WDR49: variants seen among roughly 807,000 people sequenced by gnomAD.
The protein encoded by WDR49 is WD repeat domain 49, also known as cilia- and flagella-associated protein 337.
In WDR49, 107 loss-of-function variants were observed where a neutral mutation model predicts 119.5. The ratio of observed to expected loss-of-function variants is 0.90; its 90% CI spans 0.77 to 1.05. The LOEUF is 1.05. Among genes scored for constraint, WDR49 ranks in the 50% least tolerant of loss-of-function variants. WDR49 has a pLI of 0.00. For synonymous variants in WDR49, 425 were observed against 418.8 expected (o/e 1.01, Z -0.18); for missense variants, 1,240 against 1,220.5 (o/e 1.02, Z -0.24).
At chr3:167,639,114 G>A (rs1233839274) in intron 2 of WDR49, among the ~76,000 whole-genome samples, 1 of 151,638 alleles carries the variant, frequency 6.6e-6, no homozygotes. Context: ...GAAACTTGGG[G>A]GAATAAGCCT....
intron 10 of WDR49, among the ~76,000 whole-genome samples, chr3:167,548,550 T>C (rs1712348388): frequency 6.6e-6 from 1 of 152,046 alleles, no homozygotes; most frequent in Non-Finnish European, 1.5e-5. Context: ...TTAAGTAGTC[T>C]ATTTTATTAT....
At chr3:167,539,896 C>T (rs1204750876) in intron 10 of WDR49, among the ~76,000 whole-genome samples, 1 of 152,136 alleles carries the variant, frequency 6.6e-6, no homozygotes, top group Non-Finnish European at 1.5e-5. Flanking sequence ...CCTTCTACAA[C>T]AGCAGTGTCT....
intron 2 of WDR49, among the ~76,000 whole-genome samples, chr3:167,642,715 G>A (rs1040659094): frequency 6.6e-6 from 1 of 152,030 alleles, no homozygotes; most frequent in East Asian, 1.9e-4. Flanking sequence ...TGGAACTGGG[G>A]ATCCCTGGAG....
chr3:167,641,050 G>A (rs960621116), intron 2 of WDR49, among the ~76,000 whole-genome samples: 5 of 151,910 alleles, frequency 3.3e-5, no homozygotes, highest in African/African-American at 1.2e-4. Flanking sequence ...TGAGTCTCAG[G>A]CATGTGTTAA....
At chr3:167,560,010 C>T in intron 9 of WDR49, 54 bp downstream of exon 9, 3 of 1,577,726 alleles carry the variant, frequency 1.9e-6, no homozygotes, top group Non-Finnish European at 2.6e-6. Flanking sequence ...TGTCTTCTGG[C>T]ATAGTATTTT....
At chr3:167,592,783 T>C (rs1715208882) in intron 7 of WDR49, among the ~76,000 whole-genome samples, 1 of 152,146 alleles carries the variant, frequency 6.6e-6, no homozygotes, top group African/African-American at 2.4e-5. Context: ...ATTGAAGAAC[T>C]CCCTCTAGCA....
In WDR49 at chr3:167,621,673, T is replaced by A. The variant is rs1269208811; in HGVS notation, c.607-30A>T. ...AGTAGCAGAGTAGAAAATCAGAAAGTAATTCTGATGGATTTAGCAAAATTA... is the reference window on the plus strand; with the variant it reads ...AGTAGCAGAGTAGAAAATCAGAAAGAAATTCTGATGGATTTAGCAAAATTA... On this transcript the variant is annotated intron_variant, in intron 3 of 18. Transcript: ENST00000682715. 12 of 1,501,738 alleles carry A rather than the reference T, an allele frequency of 8.0e-6. No homozygotes were observed. In the Admixed American group the frequency reaches 2.2e-4, roughly 27 times the overall value. The allele number at this position is 1,501,738 out of a possible 1,614,324, so 93.0% of individuals were successfully genotyped here.
chr3:167,528,076 C>T, intron 14 of WDR49, 59 bp from the exon 15 acceptor site: 2 of 1,435,268 alleles, frequency 1.4e-6, no homozygotes, highest in African/African-American at 1.4e-5. Context: ...ATTACAATGA[C>T]ATAACACTTT....
intron 3 of WDR49, among the ~76,000 whole-genome samples, chr3:167,625,037 C>T (rs1717067014): frequency 1.3e-5 from 2 of 152,014 alleles, no homozygotes; most frequent in Non-Finnish European, 2.9e-5. Context: ...GGAATAATAT[C>T]TACTCCATGG....
intron 8 of WDR49, among the ~76,000 whole-genome samples, chr3:167,567,968 G>T (rs1031143086): frequency 6.6e-6 from 1 of 152,214 alleles, no homozygotes; most frequent in Admixed American, 6.5e-5. Context: ...AGGCTCAGAG[G>T]TTAGCAGCTT....
chr3:167,511,757 C>T (rs1751984162), intron 16 of WDR49, among the ~76,000 whole-genome samples: 1 of 152,082 alleles, frequency 6.6e-6, no homozygotes, highest in African/African-American at 2.4e-5. Context: ...CTCCAATCAG[C>T]CGTTTTCCCC....
chr3:167,631,654 G>T (rs879614370), intron 2 of WDR49, among the ~76,000 whole-genome samples: 2 of 152,108 alleles, frequency 1.3e-5, no homozygotes, highest in East Asian at 1.9e-4. Flanking sequence ...ACATCGAAGC[G>T]AGAGTCAGGC....
intron 8 of WDR49, among the ~76,000 whole-genome samples, chr3:167,569,929 C>T (rs1001335607): frequency 5.3e-5 from 8 of 152,080 alleles, no homozygotes; most frequent in Non-Finnish European, 4.4e-5. Flanking sequence ...CATGTAAACA[C>T]GTTATTTCTT....
At position 167,502,800 on chromosome 3, in the gene WDR49, T is replaced by TA. The variant is rs558170331; in HGVS notation, c.2885-2502dup. On this transcript the variant is annotated intron_variant, in intron 17 of 18. Coordinates refer to ENST00000682715, the MANE Select transcript of WDR49 (RefSeq NM_001366157.1). The stretch of plus-strand genomic sequence containing the variant: ...CTAGCTTAGATATGGGAGCAAGAAA[T>TA]AAAGGTGGAAATTATATTTAAAGAA... Among the ~76,000 whole-genome samples, 23 of 152,092 alleles carry TA rather than the reference T, an allele frequency of 1.5e-4. No homozygotes were observed. In the East Asian group the frequency reaches 4.4e-3, roughly 29 times the overall value.
intron 9 of WDR49, among the ~76,000 whole-genome samples, chr3:167,559,267 C>T (rs1182788184): frequency 6.6e-6 from 1 of 152,122 alleles, no homozygotes; most frequent in African/African-American, 2.4e-5. Flanking sequence ...TAGTCTAATA[C>T]CCAGTTATAG....
chr3:167,499,284 C>T (rs944759773), intron 18 of WDR49, among the ~76,000 whole-genome samples: 8 of 152,110 alleles, frequency 5.3e-5, no homozygotes, highest in East Asian at 1.9e-4. Context: ...CATAAGGAAA[C>T]ATCTTTCTAC....
rs546220214 is a variant in WDR49 at position 167,592,592 on chromosome 3, G to C, written c.1275+9535C>G. ...TGGGACTACAGGTGCACACCACCAC[G>C]CCCAGCTAATTTTTGTATTTTTAGT... On this transcript the variant is annotated intron_variant, in intron 7 of 18. Coordinates refer to ENST00000682715, the MANE Select transcript of WDR49 (RefSeq NM_001366157.1). 2.0e-5 allele frequency among the ~76,000 whole-genome samples: 3 copies of C among 151,806 alleles called. No homozygotes were observed. The East Asian group carries it at 5.8e-4, about 29-fold the overall frequency.
chr3:167,513,739 G>A (rs1162600071), intron 16 of WDR49, among the ~76,000 whole-genome samples: 2 of 152,100 alleles, frequency 1.3e-5, no homozygotes, highest in African/African-American at 2.4e-5. Flanking sequence ...GACACACATA[G>A]GCTCAAAATA....
At chr3:167,635,199 A>G (rs534386947) in intron 2 of WDR49, among the ~76,000 whole-genome samples, 76 of 151,958 alleles carry the variant, frequency 5.0e-4, no homozygotes, top group African/African-American at 1.8e-3. Context: ...CTCTAGAAGC[A>G]TAATTACTGA....
Sources: gnomAD v4.1 joint callset for allele counts (sites outside exome capture counted in the v4.1 genomes callset) on GRCh38, gnomAD v4.1.1 for gene constraint, MANE v1.5 for transcripts, NCBI Gene and HGNC (gene_info 2026-07-23, HGNC 2026-07-21) for gene names.